RBMS3: variants seen among roughly 807,000 people sequenced by gnomAD.
RBMS3 encodes the protein RNA binding motif single stranded interacting protein 3, also known as RNA-binding motif, single-stranded-interacting protein 3.
RBMS3 carries 27 observed loss-of-function variants against 66.8 expected under a neutral mutation model. The observed-to-expected ratio is 0.40, with a 90% CI of 0.30 to 0.56. The LOEUF (loss-of-function observed/expected upper bound fraction) is 0.56, where lower values mean the gene tolerates loss of function less well. Among genes scored for constraint, RBMS3 ranks in the 20% least tolerant of loss-of-function variants. RBMS3 has a pLI of 0.40. For synonymous variants in RBMS3, 188 were observed against 183.0 expected (o/e 1.03, Z -0.22); for missense variants, 513 against 549.5 (o/e 0.93, Z 0.66).
chr3:29,590,046 C>T (rs1250044273), intron 4 of RBMS3, among the ~76,000 whole-genome samples: 1 of 151,644 alleles, frequency 6.6e-6, no homozygotes, highest in African/African-American at 2.4e-5. Context: ...CGGAGATGAA[C>T]ATTTTTCTGT....
chr3:29,382,214 A>C (rs759559673), intron 1 of RBMS3, among the ~76,000 whole-genome samples: 6 of 151,736 alleles, frequency 4.0e-5, no homozygotes, highest in Non-Finnish European at 7.4e-5. Context: ...ATGTTGTCTT[A>C]GTCAAAAACA....
intron 4 of RBMS3, among the ~76,000 whole-genome samples, chr3:29,617,284 T>C (rs2048705198): frequency 6.6e-6 from 1 of 152,170 alleles, no homozygotes; most frequent in Admixed American, 6.5e-5. Flanking sequence ...ATGAGCAAGA[T>C]GATATTGATA....
intron 2 of RBMS3, among the ~76,000 whole-genome samples, chr3:29,466,014 A>G (rs2042529992): frequency 1.3e-5 from 2 of 151,838 alleles, no homozygotes; most frequent in Non-Finnish European, 2.9e-5. Context: ...TTCAGTGATC[A>G]GCATGACTCC....
chr3:29,737,965 A>G (rs2054457239), intron 4 of RBMS3, among the ~76,000 whole-genome samples: 1 of 152,026 alleles, frequency 6.6e-6, no homozygotes, highest in Non-Finnish European at 1.5e-5. Context: ...GGCTCTAGTC[A>G]TCTTTTCCAG....
intron 4 of RBMS3, among the ~76,000 whole-genome samples, chr3:29,685,858 C>T (rs535077358): frequency 3.1e-4 from 47 of 152,334 alleles, no homozygotes; most frequent in African/African-American, 1.1e-3. Flanking sequence ...CCTCTCCCCA[C>T]ACCTTCTGCA....
intron 3 of RBMS3, among the ~76,000 whole-genome samples, chr3:29,496,851 C>G (rs1298151865): frequency 1.3e-5 from 2 of 152,170 alleles, no homozygotes; most frequent in East Asian, 3.8e-4. Context: ...CTTGTAATCA[C>G]TTAATATACA....
chr3:29,661,800 G>T lies in RBMS3; in HGVS notation c.399+74595G>T, dbSNP rs765073834. Among the ~76,000 whole-genome samples, 6 of 152,270 alleles carry T rather than the reference G, an allele frequency of 3.9e-5. No homozygotes were observed. The East Asian group carries it at 1.2e-3, about 29-fold the overall frequency. On this transcript the variant is annotated intron_variant, in intron 4 of 14. Transcript: ENST00000383767. ...GTAGGCTTTGAAGTCTCTCAAGAGG[G>T]TTGCCCTTCATTCTCCTTGCACCTA...
intron 10 of RBMS3, among the ~76,000 whole-genome samples, chr3:29,920,803 G>A (rs561242718): frequency 4.8e-4 from 69 of 142,852 alleles, no homozygotes; most frequent in Middle Eastern, 4.0e-3. Context: ...GCGAAACCCC[G>A]TCTCTACTAA....
chr3:29,794,133 A>C (rs2149431787), intron 6 of RBMS3, among the ~76,000 whole-genome samples: 1 of 152,132 alleles, frequency 6.6e-6, no homozygotes, highest in South Asian at 2.1e-4. Context: ...AGCCAATTAA[A>C]CCTCTTTTCT....
intron 2 of RBMS3, among the ~76,000 whole-genome samples, chr3:29,473,779 C>T (rs1453537305): frequency 6.6e-6 from 1 of 152,206 alleles, no homozygotes; most frequent in East Asian, 1.9e-4. Flanking sequence ...GCCGGCAGGG[C>T]CGGCCAGCCC....
chr3:29,557,403 G>C (rs963036425), intron 3 of RBMS3, among the ~76,000 whole-genome samples: 6 of 152,232 alleles, frequency 3.9e-5, no homozygotes, highest in Admixed American at 3.3e-4. Flanking sequence ...ACCCAAAGGA[G>C]TGCAATTCCA....
chr3:29,470,037 AAG>A lies in RBMS3; in HGVS notation c.249-18402_249-18401del, dbSNP rs566856278. ...GTAATTCAATGATTAAAATATATAA[AAG>A]AATAATATACTGATTATATTTAATT... On this transcript the variant is annotated intron_variant, in intron 2 of 14. Coordinates refer to ENST00000383767, the MANE Select transcript of RBMS3 (RefSeq NM_001003793.3). 6.6e-4 allele frequency among the ~76,000 whole-genome samples: 97 copies of A among 147,904 alleles called. 1 individual carries two copies. The highest frequency in any genetic ancestry group is 3.7e-3 in the Admixed American group (55 of 14,740).
At chr3:29,848,107 T>G (rs1428015770) in intron 6 of RBMS3, among the ~76,000 whole-genome samples, 1 of 152,142 alleles carries the variant, frequency 6.6e-6, no homozygotes, top group East Asian at 1.9e-4. Flanking sequence ...AGGAATTGAT[T>G]GTTGTATTGT....
At chr3:29,415,154 T>C (rs2040429160) in intron 1 of RBMS3, among the ~76,000 whole-genome samples, 1 of 152,178 alleles carries the variant, frequency 6.6e-6, no homozygotes, top group South Asian at 2.1e-4. Flanking sequence ...CCCATTGAGA[T>C]GATATTACTC....
chr3:29,421,503 A>T (rs955013508), intron 1 of RBMS3, among the ~76,000 whole-genome samples: 4 of 152,174 alleles, frequency 2.6e-5, no homozygotes, highest in African/African-American at 9.7e-5. Context: ...AAGTGCATGG[A>T]TATTTAGTAG....
intron 6 of RBMS3, among the ~76,000 whole-genome samples, chr3:29,823,858 A>G (rs572934504): frequency 6.6e-6 from 1 of 152,258 alleles, no homozygotes; most frequent in African/African-American, 2.4e-5. Context: ...GTCATAAGGT[A>G]TGCAAATATA....
intron 8 of RBMS3, among the ~76,000 whole-genome samples, chr3:29,890,288 G>A (rs1577077049): frequency 6.6e-6 from 1 of 151,610 alleles, no homozygotes; most frequent in Non-Finnish European, 1.5e-5. Flanking sequence ...TTTTAGAGGT[G>A]TGGAAGCTGA....
intron 1 of RBMS3, among the ~76,000 whole-genome samples, chr3:29,409,062 C>T (rs1014454590): frequency 4.6e-5 from 7 of 152,142 alleles, no homozygotes; most frequent in African/African-American, 1.7e-4. Context: ...GAGAAAACAG[C>T]CTCTGTCAGT....
At chr3:29,741,427 G>A (rs1243725690) in intron 5 of RBMS3, among the ~76,000 whole-genome samples, 1 of 152,122 alleles carries the variant, frequency 6.6e-6, no homozygotes, top group Admixed American at 6.6e-5. Context: ...ACTAGCTATT[G>A]GAGGCCTGAG....
Sources: gnomAD v4.1 joint callset for allele counts (sites outside exome capture counted in the v4.1 genomes callset) on GRCh38, gnomAD v4.1.1 for gene constraint, MANE v1.5 for transcripts, NCBI Gene and HGNC (gene_info 2026-07-23, HGNC 2026-07-21) for gene names.